TFG: variants seen among roughly 807,000 people sequenced by gnomAD.
TFG encodes trafficking from ER to golgi regulator.
Under a neutral mutation model 51.4 loss-of-function variants are expected in TFG, and 22 were observed. The observed-to-expected ratio is 0.43, with a 90% CI of 0.31 to 0.61. The LOEUF (loss-of-function observed/expected upper bound fraction) is 0.61. Ranked by LOEUF, TFG falls within the 20% of genes least tolerant of loss-of-function variation. The probability of loss-of-function intolerance (pLI) is 0.12; values close to 1 mark genes in which losing one functional copy is unlikely to be tolerated. For missense variants in TFG, 419 were observed against 487.7 expected, an observed-to-expected ratio of 0.86 and a Z score of 1.33; for synonymous variants, 187 against 165.6, an observed-to-expected ratio of 1.13 and a Z score of -0.99.
intron 3 of TFG, among the ~76,000 whole-genome samples, chr3:100,723,691 G>A (rs1299088077): frequency 6.6e-6 from 1 of 152,154 alleles, no homozygotes; most frequent in Non-Finnish European, 1.5e-5. Context: ...ACTTATGCAT[G>A]TTAGCTTTAG....
intron 6 of TFG, among the ~76,000 whole-genome samples, chr3:100,739,977 C>G (rs1054487412): frequency 6.6e-6 from 1 of 152,082 alleles, no homozygotes; most frequent in Non-Finnish European, 1.5e-5. Flanking sequence ...GTGTGCTAGT[C>G]TGTGTTTGAA....
At chr3:100,726,161 G>A (rs1299598260) in intron 3 of TFG, among the ~76,000 whole-genome samples, 2 of 152,206 alleles carry the variant, frequency 1.3e-5, no homozygotes, top group Non-Finnish European at 2.9e-5. Flanking sequence ...CTGGGAAGCT[G>A]CTGGTACAAG....
rs2095094870 is a variant in TFG at position 100,732,626 on chromosome 3, T to C, written c.534T>C (p.Asn178=). ...FDPLKNQDEI[N]KNVMSAFGLT... ...CTTTAAAAAACCAAGATGAAATCAA[T>C]AAAAATGTTATGTCAGCGTTTGGCT... Residue 178 remains asparagine (N), a synonymous_variant, in exon 5 of 8, where the codon AAT becomes AAC. Coordinates refer to ENST00000240851, the MANE Select transcript of TFG (RefSeq NM_006070.6). 3 of 1,612,158 alleles carry C rather than the reference T, an allele frequency of 1.9e-6. No homozygotes were observed. The East Asian group carries it at 6.7e-5, about 36-fold the overall frequency.
Position 100,728,856 on chromosome 3 carries a change from A to G in TFG, c.413A>G (p.Asn138Ser), listed in dbSNP as rs1278542847. Reference sequence around the variant, plus strand: ...GGACCTTCCACCAATATTCCTGAAAATGGTAAACCCTGAATCCATTGTATT... The same window carrying G: ...GGACCTTCCACCAATATTCCTGAAAGTGGTAAACCCTGAATCCATTGTATT... Reference protein sequence around the residue: ...EPGPSTNIPENDTVDGREEKS... With the variant: ...EPGPSTNIPESDTVDGREEKS... Residue 138 changes from asparagine to serine, a missense_variant and splice_region_variant, in exon 4 of 8, where the codon AAT becomes AGT. By Grantham distance (46) the Asn-to-Ser change is conservative. Around this residue, in one of 3 missense-constraint regions of TFG, gnomAD observed 391 missense variants for 434.4 expected, o/e 0.90. Transcript: ENST00000240851. 6.2e-7 allele frequency: 1 copy of G among 1,604,728 alleles called. No homozygotes were observed. The highest frequency in any genetic ancestry group is 8.5e-7 in the Non-Finnish European group (1 of 1,176,598).
chr3:100,739,540 A>C (rs1203447886), intron 6 of TFG, among the ~76,000 whole-genome samples: 6 of 152,338 alleles, frequency 3.9e-5, no homozygotes, highest in South Asian at 2.1e-4. Context: ...GCTGTTTGAC[A>C]GCCTAAAAAA....
chr3:100,744,876 A>G lies in TFG; in HGVS notation c.765A>G (p.Ala255=). 6.2e-7 allele frequency: 1 copy of G among 1,613,732 alleles called. No homozygotes were observed. The highest frequency in any genetic ancestry group is 2.2e-5 in the East Asian group (1 of 44,886). The change falls in exon 7 of 8, where the codon GCA becomes GCG. Residue 255 remains alanine, a synonymous_variant. Transcript: ENST00000240851. ...QQYQQQAGYG[A]QQPQAPPQQP... is the part of the protein sequence containing the mutation. ...ACCAGCAACAGGCCGGCTATGGTGC[A>G]CAGCAGCCGCAGGCTCCACCTCAGC...
rs1185375387 is a variant in TFG at position 100,748,513 on chromosome 3, T to G, written c.1185T>G (p.Pro395=). The G allele has an allele frequency of 6.2e-7, 1 of 1,611,680 alleles. No homozygotes were observed. Among genetic ancestry groups the G allele is most frequent in the Non-Finnish European group, 8.5e-7 (1 of 1,178,150 alleles). ...CCTTTGGTCAGGGCTATACCCAACCTGGACCTGGTTATCGATAAGGAGGCT... is the reference window on the plus strand; with the variant it reads ...CCTTTGGTCAGGGCTATACCCAACCGGGACCTGGTTATCGATAAGGAGGCT... The part of the protein sequence containing the change: ...RPPFGQGYTQ[P]GPGYR Residue 395 remains proline, a synonymous_variant, in exon 8 of 8, where the codon CCT becomes CCG. Transcript: ENST00000240851.
chr3:100,721,833 T>C (rs1456228926), intron 3 of TFG, among the ~76,000 whole-genome samples: 1 of 152,212 alleles, frequency 6.6e-6, no homozygotes, highest in East Asian at 1.9e-4. Flanking sequence ...TTAAAAGTTA[T>C]TTAAGACATA....
At chr3:100,719,566 A>G (rs964686109) in intron 2 of TFG, among the ~76,000 whole-genome samples, 2 of 152,348 alleles carry the variant, frequency 1.3e-5, no homozygotes, top group East Asian at 1.9e-4. Flanking sequence ...TACTCTACCT[A>G]TGATTAAGAT....
At chr3:100,709,945 T>G (rs1478720161) in intron 1 of TFG, 11 of 60,558 alleles carry the variant, frequency 1.8e-4, no homozygotes, top group South Asian at 8.2e-4. Flanking sequence ...GGAAGGGAGG[T>G]CGCGGAGGGG....
rs1442985300 is a variant in TFG, at chr3:100,729,580, CTCTTA to C, written c.415+724_415+728del. ...TCTTAGATGTTGCATTTAAAGAAAA[CTCTTA>C]TTATTATTTTTTTCTTTTTACAAAT... On this transcript the variant is annotated intron_variant, in intron 4 of 7. Coordinates refer to ENST00000240851, the MANE Select transcript of TFG (RefSeq NM_006070.6). 7.3e-5 allele frequency among the ~76,000 whole-genome samples: 9 copies of C among 123,436 alleles called. No homozygotes were observed. The South Asian group carries it at 1.7e-3, about 23-fold the overall frequency. 81.0% of individuals were successfully genotyped at this position (123,436 alleles called of 152,430 possible).
chr3:100,743,110 T>G (rs2095125752), intron 6 of TFG: 1 of 152,164 alleles, frequency 6.6e-6, no homozygotes. Flanking sequence ...AGCTTTGGAG[T>G]TATGCCTGAG....
chr3:100,746,611 A>G (rs974245430), intron 7 of TFG, among the ~76,000 whole-genome samples: 4 of 151,512 alleles, frequency 2.6e-5, no homozygotes, highest in Non-Finnish European at 5.9e-5. Flanking sequence ...AAGGGAGACT[A>G]TATATATACA....
chr3:100,748,229 G>C lies in TFG; in HGVS notation c.901G>C (p.Ala301Pro). ...CCAGCAACCAACTTCCCAGGCACCA[G>C]CTCCTGCCTTTTCTGGTCAGCCTCA... ...YGQQPTSQAPAPAFSGQPQQL... is the reference protein window; with the variant it reads ...YGQQPTSQAPPPAFSGQPQQL... Residue 301 changes from alanine to proline, a missense_variant, in exon 8 of 8, where the codon GCT (alanine) becomes CCT (proline). Ala to Pro is a conservative substitution (Grantham distance 27). Around this residue, in one of 3 missense-constraint regions of TFG, gnomAD observed 391 missense variants for 434.4 expected, o/e 0.90. Coordinates refer to ENST00000240851, the MANE Select transcript of TFG (RefSeq NM_006070.6). The C allele has an allele frequency of 6.2e-7, 1 of 1,614,090 alleles. No individual in the cohort carries two copies. Among genetic ancestry groups the C allele is most frequent in the Non-Finnish European group, 8.5e-7 (1 of 1,179,984 alleles).
rs544403624 is a variant in TFG at position 100,714,212 on chromosome 3, A to G, written c.184+343A>G. Among the ~76,000 whole-genome samples, 94 of 152,070 alleles carry G rather than the reference A, an allele frequency of 6.2e-4. 1 individual carries two copies. The South Asian group carries it at 0.019, about 30-fold the overall frequency. ...ATTCTCTCATCAGTTAAAATTAGCT[A>G]AGTGGGGCCGGGCGCAGCAGCTCAT... On this transcript the variant is annotated intron_variant, in intron 2 of 7. Coordinates refer to ENST00000240851, the MANE Select transcript of TFG (RefSeq NM_006070.6).
chr3:100,729,954 G>A (rs1259563893), intron 4 of TFG, among the ~76,000 whole-genome samples: 3 of 152,096 alleles, frequency 2.0e-5, no homozygotes, highest in African/African-American at 7.2e-5. Context: ...GAGATTTGCT[G>A]AATACTATAA....
At chr3:100,741,362 TG>T (rs1421552968) in intron 6 of TFG, among the ~76,000 whole-genome samples, 4 of 152,132 alleles carry the variant, frequency 2.6e-5, no homozygotes, top group African/African-American at 4.8e-5. Flanking sequence ...TAGGCTAATG[TG>T]TATGTTTGTG....
At chr3:100,712,145 TGAGA>T (rs1177484582) in intron 1 of TFG, among the ~76,000 whole-genome samples, 1 of 152,144 alleles carries the variant, frequency 6.6e-6, no homozygotes, top group East Asian at 1.9e-4. Context: ...AAATATCTGT[TGAGA>T]GCATGGTGAG....
At chr3:100,737,595 TCTAA>T (rs1295988096) in intron 6 of TFG, among the ~76,000 whole-genome samples, 3 of 152,244 alleles carry the variant, frequency 2.0e-5, no homozygotes, top group Admixed American at 1.3e-4. Context: ...CAGGTGGTGC[TCTAA>T]CTATTTGTTT....
Sources: allele counts gnomAD v4.1 joint callset (sites outside exome capture counted in the v4.1 genomes callset), GRCh38; gene constraint gnomAD v4.1.1; regional missense constraint gnomAD v4.1.1; transcripts MANE v1.5; gene names NCBI Gene and HGNC (gene_info 2026-07-23, HGNC 2026-07-21).